EXT1: variants seen among roughly 807,000 people sequenced by gnomAD.
The protein encoded by EXT1 is exostosin glycosyltransferase 1.
In EXT1, 20 loss-of-function variants were observed where a neutral mutation model predicts 82.5. That is an observed-to-expected ratio of 0.24 (90% CI 0.17 to 0.35). The LOEUF is 0.35. Ranked by LOEUF, EXT1 falls within the 10% of genes least tolerant of loss-of-function variation. The pLI, the probability that EXT1 is intolerant of heterozygous loss-of-function variation, is 1.00. For synonymous variants in EXT1, 348 were observed against 350.8 expected (o/e 0.99, Z 0.09); for missense variants, 757 against 936.5 (o/e 0.81, Z 2.50).
In EXT1 at chr8:118,110,454, C is replaced by T. The variant is rs1817876363; in HGVS notation, c.593G>A (p.Gly198Asp). ...RNHLIFNLYS[G>D]TWPDYTEDVG... ...GTCCTCGGTGTAGTCAGGCCAAGTG[C>T]CGGAATATAAATTAAAAATTAAATG... Residue 198 changes from glycine (G) to aspartate (D), a missense_variant, in exon 1 of 11, where the codon GGC (glycine) becomes GAC (aspartate). By Grantham distance (94) the Gly-to-Asp change is moderately conservative. Around this residue, in one of 4 missense-constraint regions of EXT1, gnomAD observed 247 missense variants for 330.1 expected, o/e 0.75. Transcript: ENST00000378204. 1 of 1,614,138 alleles carries T rather than the reference C, an allele frequency of 6.2e-7. No individual in the cohort carries two copies. Among genetic ancestry groups the T allele is most frequent in the Non-Finnish European group, 8.5e-7 (1 of 1,180,034 alleles).
intron 1 of EXT1, among the ~76,000 whole-genome samples, chr8:118,000,586 C>G (rs1815641727): frequency 6.6e-6 from 1 of 152,168 alleles, no homozygotes; most frequent in African/African-American, 2.4e-5. Context: ...ATAACATGCC[C>G]CAGCAAGCAA....
intron 1 of EXT1, among the ~76,000 whole-genome samples, chr8:117,875,420 CTAAA>C (rs67268592): frequency 0.42 from 58,314 of 138,842 alleles, 12,719 homozygotes; most frequent in Admixed American, 0.5. Flanking sequence ...AACTACCTCT[CTAAA>C]TAAATAAATA....
chr8:118,038,777 A>G (rs921882309), intron 1 of EXT1, among the ~76,000 whole-genome samples: 1 of 152,210 alleles, frequency 6.6e-6, no homozygotes, highest in Non-Finnish European at 1.5e-5. Context: ...ATTAAACTAC[A>G]TCTAAAAGAT....
chr8:118,069,989 T>G (rs1839), intron 1 of EXT1, among the ~76,000 whole-genome samples: 54,756 of 151,808 alleles, frequency 0.36, 11,544 homozygotes, highest in African/African-American at 0.58. Flanking sequence ...AATGAGGCTT[T>G]AAGCAGAAAA....
At chr8:117,954,691 CA>C (rs906093528) in intron 1 of EXT1, among the ~76,000 whole-genome samples, 1 of 152,148 alleles carries the variant, frequency 6.6e-6, no homozygotes, top group African/African-American at 2.4e-5. Flanking sequence ...GTGAATTATT[CA>C]AAACAAATGC....
At chr8:117,849,299 C>T (rs529346546) in intron 1 of EXT1, among the ~76,000 whole-genome samples, 1 of 152,268 alleles carries the variant, frequency 6.6e-6, no homozygotes, top group South Asian at 2.1e-4. Flanking sequence ...CTTCTTTCTC[C>T]CCAAATGTAA....
At chr8:118,093,021 C>G (rs773965797) in intron 1 of EXT1, among the ~76,000 whole-genome samples, 12 of 152,022 alleles carry the variant, frequency 7.9e-5, no homozygotes, top group Non-Finnish European at 1.5e-4. Context: ...CCAATTAATT[C>G]ATCTCATCTA....
At chr8:117,917,376 A>G (rs1160231484) in intron 1 of EXT1, among the ~76,000 whole-genome samples, 1 of 152,058 alleles carries the variant, frequency 6.6e-6, no homozygotes, top group Non-Finnish European at 1.5e-5. Context: ...GAGGCAAGAG[A>G]ATCACTTGAA....
intron 1 of EXT1, among the ~76,000 whole-genome samples, chr8:117,979,654 G>A (rs536426403): frequency 1.5e-4 from 23 of 151,998 alleles, no homozygotes; most frequent in Non-Finnish European, 2.8e-4. Context: ...TAACTAGACC[G>A]GGCAAAACAC....
At chr8:118,102,261 T>G (rs1170719596) in intron 1 of EXT1, among the ~76,000 whole-genome samples, 2 of 151,718 alleles carry the variant, frequency 1.3e-5, no homozygotes, top group East Asian at 3.9e-4. Flanking sequence ...AGCAAGACTC[T>G]GTCTCAAAAT....
intron 1 of EXT1, among the ~76,000 whole-genome samples, chr8:117,923,533 C>T (rs908271358): frequency 8.3e-4 from 124 of 149,934 alleles, no homozygotes; most frequent in African/African-American, 2.6e-3. Flanking sequence ...CTGGCTAACA[C>T]GGTGAAACCC....
At chr8:117,877,205 G>T (rs531466454) in intron 1 of EXT1, among the ~76,000 whole-genome samples, 2 of 152,258 alleles carry the variant, frequency 1.3e-5, no homozygotes, top group South Asian at 4.1e-4. Context: ...GGAGGCCGGC[G>T]CAACTGAAAT....
chr8:117,866,756 T>A (rs112465905), intron 1 of EXT1, among the ~76,000 whole-genome samples: 1 of 141,156 alleles, frequency 7.1e-6, no homozygotes, highest in Non-Finnish European at 1.5e-5. Flanking sequence ...TCAGGTTGTA[T>A]GAATCTTTGT....
intron 1 of EXT1, among the ~76,000 whole-genome samples, chr8:118,010,472 A>C (rs111897386): frequency 3.4e-4 from 51 of 152,220 alleles, no homozygotes; most frequent in South Asian, 1.5e-3. Context: ...AACAAGCAAA[A>C]AAGAGCACTT....
At chr8:117,906,082 C>A (rs1563597104) in intron 1 of EXT1, among the ~76,000 whole-genome samples, 3 of 152,174 alleles carry the variant, frequency 2.0e-5, no homozygotes, top group African/African-American at 7.2e-5. Context: ...TCTTTAGTAT[C>A]CCTGATTTGC....
chr8:117,874,175 A>T (rs1008113624), intron 1 of EXT1, among the ~76,000 whole-genome samples: 2 of 152,200 alleles, frequency 1.3e-5, no homozygotes, highest in Non-Finnish European at 2.9e-5. Flanking sequence ...ATGAACAGAG[A>T]GGTACAAAAA....
At chr8:118,061,273 T>C (rs1189555481) in intron 1 of EXT1, among the ~76,000 whole-genome samples, 3 of 152,186 alleles carry the variant, frequency 2.0e-5, no homozygotes, top group Non-Finnish European at 4.4e-5. Context: ...AGACAGCTCA[T>C]GCAAAATTAA....
At chr8:118,038,307 A>T (rs1004536956) in intron 1 of EXT1, among the ~76,000 whole-genome samples, 1 of 152,216 alleles carries the variant, frequency 6.6e-6, no homozygotes, top group Non-Finnish European at 1.5e-5. Flanking sequence ...CTAACACTGG[A>T]GGTAAATTGG....
intron 4 of EXT1, among the ~76,000 whole-genome samples, chr8:117,829,476 C>A (rs1319360659): frequency 2.0e-5 from 3 of 152,004 alleles, no homozygotes; most frequent in African/African-American, 7.2e-5. Context: ...TTCTGCTGTC[C>A]CGCAATGCCA....
Sources: gnomAD v4.1 joint callset for allele counts (sites outside exome capture counted in the v4.1 genomes callset) on GRCh38, gnomAD v4.1.1 for gene constraint, gnomAD v4.1.1 regional missense constraint, MANE v1.5 for transcripts, NCBI Gene and HGNC (gene_info 2026-07-23, HGNC 2026-07-21) for gene names.